The following ZEB1 variants were observed in gnomAD, a reference collection of about 807,000 sequenced individuals.
ZEB1 encodes zinc finger E-box-binding homeobox 1.
ZEB1 carries 21 observed loss-of-function variants against 84.9 expected under a neutral mutation model. That is an observed-to-expected ratio of 0.25 (90% CI 0.18 to 0.36). The LOEUF (loss-of-function observed/expected upper bound fraction) is 0.36. Among genes scored for constraint, ZEB1 ranks in the 10% least tolerant of loss-of-function variants. The pLI is 1.00. For missense variants in ZEB1, 1,104 were observed against 1,330.2 expected, an observed-to-expected ratio of 0.83 and a Z score of 2.65; for synonymous variants, 420 against 471.1, an observed-to-expected ratio of 0.89 and a Z score of 1.41.
At chr10:31,375,810 A>G (rs2046521251) in intron 1 of ZEB1, among the ~76,000 whole-genome samples, 1 of 151,762 alleles carries the variant, frequency 6.6e-6, no homozygotes, top group Non-Finnish European at 1.5e-5. Flanking sequence ...AAAGGAAAAT[A>G]ATGTTTTTAG....
chr10:31,465,075 A>G (rs2062235736), intron 2 of ZEB1, among the ~76,000 whole-genome samples: 1 of 152,214 alleles, frequency 6.6e-6, no homozygotes, highest in Non-Finnish European at 1.5e-5. Context: ...ATAAAAGAGT[A>G]TAATTGGATT....
chr10:31,382,722 A>G (rs191362668), intron 1 of ZEB1, among the ~76,000 whole-genome samples: 15 of 152,308 alleles, frequency 9.8e-5, no homozygotes, highest in Admixed American at 9.8e-4. Flanking sequence ...GGACCAAAAT[A>G]TTATGATTAA....
chr10:31,419,091 G>A (rs531340259), intron 1 of ZEB1, among the ~76,000 whole-genome samples: 2 of 152,142 alleles, frequency 1.3e-5, no homozygotes. Flanking sequence ...CCAGTATAAT[G>A]CCAGAGATGG....
chr10:31,412,374 A>G (rs968587704), intron 1 of ZEB1, among the ~76,000 whole-genome samples: 2 of 152,162 alleles, frequency 1.3e-5, no homozygotes, highest in African/African-American at 4.8e-5. Flanking sequence ...CTCATCATTT[A>G]CATTAGGTAT....
At chr10:31,424,144 T>C (rs767532386) in intron 1 of ZEB1, among the ~76,000 whole-genome samples, 1 of 152,052 alleles carries the variant, frequency 6.6e-6, no homozygotes, top group Non-Finnish European at 1.5e-5. Context: ...TTTTCTCTAA[T>C]ATGTGTTTAC....
chr10:31,481,307 T>C (rs943349807), intron 2 of ZEB1, among the ~76,000 whole-genome samples: 3 of 152,044 alleles, frequency 2.0e-5, no homozygotes, highest in African/African-American at 7.2e-5. Context: ...TACATACATA[T>C]ATTTCCAAGC....
At position 31,502,397 on chromosome 10, in the gene ZEB1, T is replaced by A; in HGVS notation, c.372T>A (p.Asp124Glu). 6.2e-7 allele frequency: 1 copy of A among 1,613,828 alleles called. No individual in the cohort carries two copies. The highest frequency in any genetic ancestry group is 2.2e-5 in the East Asian group (1 of 44,858). The change falls in exon 4 of 9, where the codon GAT becomes GAA. Residue 124 changes from aspartate (D) to glutamate (E), a missense_variant. By Grantham distance (45) the Asp-to-Glu change is conservative (BLOSUM62 2). Around this residue, in one of 7 missense-constraint regions of ZEB1, gnomAD observed 162 missense variants for 184.5 expected, o/e 0.88. Transcript: ENST00000424869. ...ESDAENEQNH[D>E]PNVEEFLQQQ... is the part of the protein sequence containing the mutation. ...ATGCAGAAAATGAGCAAAACCATGA[T>A]CCTAATGTTGAAGAGTTTCTACAAC... is the stretch of plus-strand genomic sequence containing the variant.
intron 1 of ZEB1, among the ~76,000 whole-genome samples, chr10:31,364,827 A>G (rs375806112): frequency 1.2e-3 from 189 of 152,138 alleles, no homozygotes; most frequent in African/African-American, 4.4e-3. Flanking sequence ...ATCTATTCTT[A>G]TTTTTTCATG....
intron 2 of ZEB1, among the ~76,000 whole-genome samples, chr10:31,476,169 A>G (rs1418383073): frequency 6.6e-6 from 1 of 152,056 alleles, no homozygotes; most frequent in African/African-American, 2.4e-5. Flanking sequence ...AACATAATGA[A>G]GAGTTTGTTC....
intron 2 of ZEB1, among the ~76,000 whole-genome samples, chr10:31,469,710 C>T (rs1032191201): frequency 6.6e-6 from 1 of 152,236 alleles, no homozygotes; most frequent in East Asian, 1.9e-4. Context: ...TGAAGCCCAC[C>T]ACAGCTCAAG....
chr10:31,424,277 C>T (rs2056637250), intron 1 of ZEB1, among the ~76,000 whole-genome samples: 1 of 151,906 alleles, frequency 6.6e-6, no homozygotes, highest in South Asian at 2.1e-4. Context: ...CATGACTTTG[C>T]ATAACATTGT....
chr10:31,491,599 C>A (rs1052995913), intron 2 of ZEB1, among the ~76,000 whole-genome samples: 2 of 151,830 alleles, frequency 1.3e-5, no homozygotes, highest in Admixed American at 1.3e-4. Flanking sequence ...AGGGGAATCA[C>A]CCTGTGCTAC....
At chr10:31,351,558 A>G (rs571442785) in intron 1 of ZEB1, among the ~76,000 whole-genome samples, 11 of 152,248 alleles carry the variant, frequency 7.2e-5, no homozygotes, top group African/African-American at 2.6e-4. Flanking sequence ...GAATTACGCT[A>G]GATTATTTTC....
At chr10:31,442,567 TAAAA>T (rs61471490) in intron 1 of ZEB1, among the ~76,000 whole-genome samples, 5 of 142,484 alleles carry the variant, frequency 3.5e-5, no homozygotes, top group South Asian at 2.3e-4. Context: ...ATAATAATAA[TAAAA>T]AAAAAAGAAA....
intron 4 of ZEB1, among the ~76,000 whole-genome samples, chr10:31,502,945 G>C (rs2068371497): frequency 6.6e-6 from 1 of 152,242 alleles, no homozygotes; most frequent in Non-Finnish European, 1.5e-5. Flanking sequence ...GATATGAATA[G>C]TCAGCGTACA....
chr10:31,501,376 A>T (rs2139213284), intron 3 of ZEB1, among the ~76,000 whole-genome samples: 1 of 152,346 alleles, frequency 6.6e-6, no homozygotes, highest in East Asian at 1.9e-4. Flanking sequence ...ATTCAAGAAA[A>T]GTTGCCACTG....
At chr10:31,371,229 A>C (rs1176186445) in intron 1 of ZEB1, among the ~76,000 whole-genome samples, 1 of 151,968 alleles carries the variant, frequency 6.6e-6, no homozygotes, top group Non-Finnish European at 1.5e-5. Context: ...ATGTCTCCTG[A>C]TTTATAATTA....
Position 31,415,299 on chromosome 10 carries a change from A to C in ZEB1, c.59-45738A>C, listed in dbSNP as rs940748830. Among the ~76,000 whole-genome samples the C allele has an allele frequency of 5.3e-5, 8 of 152,230 alleles. No homozygotes were observed. The South Asian group carries it at 1.7e-3, about 32-fold the overall frequency. The stretch of plus-strand genomic sequence containing the variant: ...CTACATTAAGCAAGGATGATACCCT[A>C]AGAATTCTAGCTGCTGCTGTTGATG... On this transcript the variant is annotated intron_variant, in intron 1 of 8. Coordinates refer to ENST00000424869, the MANE Select transcript of ZEB1 (RefSeq NM_001174096.2).
At chr10:31,510,222 G>C (rs1407285369) in intron 4 of ZEB1, among the ~76,000 whole-genome samples, 1 of 152,132 alleles carries the variant, frequency 6.6e-6, no homozygotes, top group Non-Finnish European at 1.5e-5. Context: ...TTCAAAATCA[G>C]AGGAATAAAC....
Sources: allele counts gnomAD v4.1 joint callset (sites outside exome capture counted in the v4.1 genomes callset), GRCh38; gene constraint gnomAD v4.1.1; regional missense constraint gnomAD v4.1.1; transcripts MANE v1.5; gene names NCBI Gene and HGNC (gene_info 2026-07-23, HGNC 2026-07-21).